The following CALD1 variants were observed in gnomAD, a reference collection of about 807,000 sequenced individuals.
CALD1 encodes the protein caldesmon.
In CALD1, 33 loss-of-function variants were observed where a neutral mutation model predicts 99.9. The ratio of observed to expected loss-of-function variants is 0.33; its 90% CI spans 0.25 to 0.44. The LOEUF (loss-of-function observed/expected upper bound fraction) is 0.44, where lower values mean the gene tolerates loss of function less well. CALD1 is among the 20% of genes least tolerant of loss of function. The pLI, the probability that CALD1 is intolerant of heterozygous loss-of-function variation, is 1.00. For missense variants in CALD1, 861 were observed against 962.1 expected, an observed-to-expected ratio of 0.89 and a Z score of 1.39; for synonymous variants, 310 against 325.0, an observed-to-expected ratio of 0.95 and a Z score of 0.50.
chr7:134,714,040 G>C, the CALD1 span, among the ~76,000 whole-genome samples: 1 of 152,050 alleles, frequency 6.6e-6, no homozygotes, highest in Non-Finnish European at 1.5e-5. Flanking sequence ...TTGTTTAAAA[G>C]TGTGTAGAAC....
At chr7:134,867,556 T>A in intron 2 of CALD1, 137 bp from the exon 3 acceptor site, 1 of 418,294 alleles carries the variant, frequency 2.4e-6, no homozygotes, top group South Asian at 5.2e-5. Context: ...CAGAAATTGA[T>A]CACTGGCTAC....
At chr7:134,958,406 AAT>A in intron 11 of CALD1, 116 bp downstream of exon 11, 1 of 694,324 alleles carries the variant, frequency 1.4e-6, no homozygotes, top group Non-Finnish European at 2.3e-6. Context: ...GGAGTGTTAG[AAT>A]TTTTTTTTTT....
chr7:134,924,727 G>A (rs541964922), intron 3 of CALD1, among the ~76,000 whole-genome samples: 2 of 151,988 alleles, frequency 1.3e-5, no homozygotes, highest in Non-Finnish European at 2.9e-5. Flanking sequence ...CCGTGATATC[G>A]TTAGGCTTTG....
At chr7:134,845,275 A>G (rs1799805530) in intron 2 of CALD1, among the ~76,000 whole-genome samples, 2 of 152,294 alleles carry the variant, frequency 1.3e-5, no homozygotes, top group South Asian at 4.1e-4. Flanking sequence ...ATTTTGTAAT[A>G]TTTATTAAAT....
intron 1 of CALD1, among the ~76,000 whole-genome samples, chr7:134,757,035 T>C (rs1029331638): frequency 6.6e-6 from 1 of 152,208 alleles, no homozygotes; most frequent in African/African-American, 2.4e-5. Flanking sequence ...TTAAGGCATA[T>C]GGTATTAGAA....
intron 3 of CALD1, among the ~76,000 whole-genome samples, chr7:134,913,477 T>A (rs1803973478): frequency 6.6e-6 from 1 of 152,266 alleles, no homozygotes; most frequent in Admixed American, 6.5e-5. Flanking sequence ...CTTTTAAATT[T>A]CTGTTCATTG....
intron 1 of CALD1, among the ~76,000 whole-genome samples, chr7:134,829,364 ATC>A (rs1799131914): frequency 6.6e-6 from 1 of 152,242 alleles, no homozygotes; most frequent in African/African-American, 2.4e-5. Context: ...AAACGTTATC[ATC>A]TGATTGTACT....
chr7:134,885,577 G>A (rs1801816995), intron 3 of CALD1, among the ~76,000 whole-genome samples: 1 of 152,150 alleles, frequency 6.6e-6, no homozygotes, highest in South Asian at 2.1e-4. Context: ...TATGATTGTG[G>A]AAATATTTAG....
intron 1 of CALD1, among the ~76,000 whole-genome samples, chr7:134,810,017 G>A (rs1375440931): frequency 6.6e-6 from 1 of 152,182 alleles, no homozygotes; most frequent in Non-Finnish European, 1.5e-5. Context: ...AATCTTGGAT[G>A]ACTTACAGAA....
At chr7:134,819,861 G>A (rs1202078954) in intron 1 of CALD1, among the ~76,000 whole-genome samples, 1 of 149,412 alleles carries the variant, frequency 6.7e-6, no homozygotes, top group Non-Finnish European at 1.5e-5. Context: ...AGGCAACATA[G>A]TGACAATCCC....
At chr7:134,809,446 G>T (rs796565587) in intron 1 of CALD1, 1 of 152,120 alleles carries the variant, frequency 6.6e-6, no homozygotes, top group African/African-American at 2.4e-5. Context: ...GGTGAGGGGT[G>T]GGAGTTATAA....
intron 3 of CALD1, among the ~76,000 whole-genome samples, chr7:134,898,438 T>C (rs958433477): frequency 6.6e-5 from 10 of 152,256 alleles, no homozygotes; most frequent in African/African-American, 2.4e-4. Context: ...AACAAGGCTA[T>C]AATATGATGC....
intron 1 of CALD1, among the ~76,000 whole-genome samples, chr7:134,789,870 C>A (rs751827400): frequency 2.8e-4 from 42 of 152,118 alleles, no homozygotes; most frequent in Non-Finnish European, 5.4e-4. Flanking sequence ...AAGCAGACAA[C>A]TTCCACTGTC....
chr7:134,770,601 T>A (rs1022109845), intron 1 of CALD1, among the ~76,000 whole-genome samples: 1 of 152,182 alleles, frequency 6.6e-6, no homozygotes, highest in Non-Finnish European at 1.5e-5. Context: ...TGTCTTTTTC[T>A]TATAAGGCCA....
rs917164564 is a variant in CALD1 at position 134,766,443 on chromosome 7, G to C, written c.-130+22080G>C. The stretch of plus-strand genomic sequence containing the variant: ...TTACAGGCATGAGCCACCGCACCCG[G>C]CCTCCTCTTTTCTTTATAAATTGCC... On this transcript the variant is annotated intron_variant, in intron 1 of 13. Transcript: ENST00000417172. Among the ~76,000 whole-genome samples, 7 of 152,174 alleles carry C rather than the reference G, an allele frequency of 4.6e-5. 2 individuals are homozygous for C. Among genetic ancestry groups the C allele is most frequent in the Admixed American group, 4.6e-4 (7 of 15,294 alleles).
intron 13 of CALD1, among the ~76,000 whole-genome samples, chr7:134,963,863 G>C (rs1348525648): frequency 6.6e-6 from 1 of 152,140 alleles, no homozygotes; most frequent in Non-Finnish European, 1.5e-5. Flanking sequence ...TGCCCCTCGG[G>C]AGACACATAA....
At chr7:134,872,053 A>C (rs1049175797) in intron 3 of CALD1, among the ~76,000 whole-genome samples, 1 of 152,164 alleles carries the variant, frequency 6.6e-6, no homozygotes, top group Non-Finnish European at 1.5e-5. Flanking sequence ...AATAACCTCG[A>C]CTGCAAACGT....
intron 1 of CALD1, among the ~76,000 whole-genome samples, chr7:134,762,607 T>C (rs1245257233): frequency 4.6e-5 from 7 of 152,150 alleles, no homozygotes; most frequent in Non-Finnish European, 8.8e-5. Context: ...TTCAGGAAAC[T>C]TACAATCCTG....
chr7:134,734,377 T>C, the CALD1 span, among the ~76,000 whole-genome samples: 1 of 152,104 alleles, frequency 6.6e-6, no homozygotes, highest in Admixed American at 6.5e-5. Flanking sequence ...ACTATGGAAA[T>C]GCTTTAATTG....
Sources: gnomAD v4.1 joint callset for allele counts (sites outside exome capture counted in the v4.1 genomes callset) on GRCh38, gnomAD v4.1.1 for gene constraint, MANE v1.5 for transcripts, NCBI Gene and HGNC (gene_info 2026-07-23, HGNC 2026-07-21) for gene names.